The following AMPH variants were observed in gnomAD, a reference collection of about 807,000 sequenced individuals.
AMPH encodes amphiphysin (Stiff-Mann syndrome with breast cancer 128kD autoantigen).
A neutral mutation model predicts 99.1 loss-of-function variants in AMPH; 49 were observed. That is an observed-to-expected ratio of 0.49 (90% confidence interval 0.39 to 0.63). The LOEUF is 0.63. Among genes scored for constraint, AMPH ranks in the 20% least tolerant of loss-of-function variants. AMPH has a pLI of 0.00. For missense variants in AMPH, 759 were observed against 863.4 expected (o/e 0.88, Z 1.52); for synonymous variants, 314 against 317.3 (o/e 0.99, Z 0.11).
intron 13 of AMPH, 174 bp from the exon 14 acceptor site, chr7:38,430,039 T>A: frequency 8.9e-6 from 5 of 564,588 alleles, no homozygotes; most frequent in Non-Finnish European, 1.2e-5. Context: ...CAAAATTGTT[T>A]AAGACCACCA....
At chr7:38,437,807 C>G (rs202136919) in intron 11 of AMPH, among the ~76,000 whole-genome samples, 7 of 151,122 alleles carry the variant, frequency 4.6e-5, no homozygotes, top group South Asian at 4.2e-4. Context: ...CCATTCCCCC[C>G]CAAAAATAAA....
intron 1 of AMPH, among the ~76,000 whole-genome samples, chr7:38,549,704 G>C (rs2129045559): frequency 6.6e-6 from 1 of 152,198 alleles, no homozygotes; most frequent in East Asian, 1.9e-4. Flanking sequence ...TAAAGCACAG[G>C]GGCTGTAAGG....
intron 11 of AMPH, among the ~76,000 whole-genome samples, chr7:38,458,573 C>T (rs1469395800): frequency 6.6e-6 from 1 of 152,060 alleles, no homozygotes; most frequent in Non-Finnish European, 1.5e-5. Context: ...AAACAATAAA[C>T]CTAATATATC....
At chr7:38,627,699 T>A (rs951608209) in intron 1 of AMPH, among the ~76,000 whole-genome samples, 7 of 149,846 alleles carry the variant, frequency 4.7e-5, no homozygotes, top group African/African-American at 1.7e-4. Context: ...GGTCTGCATA[T>A]ACTTTTACAT....
At chr7:38,416,264 T>A (rs1395106866) in intron 17 of AMPH, among the ~76,000 whole-genome samples, 3 of 151,936 alleles carry the variant, frequency 2.0e-5, no homozygotes, top group Non-Finnish European at 4.4e-5. Flanking sequence ...GGGAGGTATA[T>A]GAACATGACA....
intron 1 of AMPH, among the ~76,000 whole-genome samples, chr7:38,564,689 A>C (rs1791667364): frequency 6.6e-6 from 1 of 152,328 alleles, no homozygotes; most frequent in East Asian, 1.9e-4. Flanking sequence ...ACAGGAAATA[A>C]AGTGTCTCCT....
At chr7:38,564,576 A>G (rs531049411) in intron 1 of AMPH, among the ~76,000 whole-genome samples, 3 of 152,308 alleles carry the variant, frequency 2.0e-5, no homozygotes, top group African/African-American at 7.2e-5. Context: ...TGAACAAAGG[A>G]CAGCACAAAA....
At chr7:38,517,644 A>G (rs1294603936) in intron 2 of AMPH, among the ~76,000 whole-genome samples, 1 of 152,250 alleles carries the variant, frequency 6.6e-6, no homozygotes, top group Non-Finnish European at 1.5e-5. Context: ...TAAGCAGCAA[A>G]GCATTCAGGT....
At chr7:38,441,650 T>A (rs1004038525) in intron 11 of AMPH, among the ~76,000 whole-genome samples, 1 of 151,342 alleles carries the variant, frequency 6.6e-6, no homozygotes, top group Non-Finnish European at 1.5e-5. Flanking sequence ...CATTTGTGCG[T>A]TTGTCGCAGC....
At position 38,383,769 on chromosome 7, in the gene AMPH, T is replaced by C. The variant is rs1784279864; in HGVS notation, c.*1049A>G. On this transcript the variant is annotated 3_prime_UTR_variant, in exon 21 of 21. Coordinates refer to ENST00000356264, the MANE Select transcript of AMPH (RefSeq NM_001635.4). ...TGACACAGCACTGAAAACATAATTGTTACAGATGATTTGTGGATACAGCAT... is the reference window on the plus strand; with the variant it reads ...TGACACAGCACTGAAAACATAATTGCTACAGATGATTTGTGGATACAGCAT... The C allele has an allele frequency of 6.6e-6, 1 of 152,476 alleles. No individual in the cohort carries two copies. The highest frequency in any genetic ancestry group is 1.5e-5 in the Non-Finnish European group (1 of 68,024). 9.4% of individuals were successfully genotyped at this position (152,476 alleles called of 1,614,324 possible). A position where few individuals can be genotyped will look rare whatever the true frequency, so the allele number is the denominator to read the frequency against.
intron 2 of AMPH, among the ~76,000 whole-genome samples, chr7:38,507,029 C>A (rs1308622656): frequency 2.0e-5 from 3 of 151,982 alleles, no homozygotes; most frequent in Admixed American, 2.0e-4. Flanking sequence ...CCAGAAATAG[C>A]AAAAAAGTAG....
chr7:38,473,257 C>T (rs776789205), intron 7 of AMPH, among the ~76,000 whole-genome samples: 14 of 152,224 alleles, frequency 9.2e-5, no homozygotes, highest in Non-Finnish European at 1.9e-4. Flanking sequence ...GTATAACTGT[C>T]TTAATTGTAT....
chr7:38,523,250 G>A (rs1230284874), intron 2 of AMPH, among the ~76,000 whole-genome samples: 1 of 152,038 alleles, frequency 6.6e-6, no homozygotes, highest in Non-Finnish European at 1.5e-5. Context: ...TGTTGTGTGT[G>A]TGTATACACA....
intron 1 of AMPH, among the ~76,000 whole-genome samples, chr7:38,588,381 C>A (rs114756046): frequency 0.016 from 2,501 of 152,230 alleles, 71 homozygotes; most frequent in African/African-American, 0.057. Context: ...GGATCCATAT[C>A]ATCTTGAATC....
chr7:38,604,216 A>G (rs1459709438), intron 1 of AMPH, among the ~76,000 whole-genome samples: 1 of 152,352 alleles, frequency 6.6e-6, no homozygotes, highest in Non-Finnish European at 1.5e-5. Context: ...TTTTTGCACT[A>G]TCTCCAACAA....
At chr7:38,407,649 T>C (rs1357563937) in intron 17 of AMPH, among the ~76,000 whole-genome samples, 1 of 152,050 alleles carries the variant, frequency 6.6e-6, no homozygotes, top group African/African-American at 2.4e-5. Flanking sequence ...ATTCAAAAAA[T>C]TAAATATACA....
intron 11 of AMPH, among the ~76,000 whole-genome samples, chr7:38,456,954 C>G (rs1361929154): frequency 2.0e-5 from 3 of 152,166 alleles, no homozygotes; most frequent in Non-Finnish European, 4.4e-5. Context: ...GCAAATGCAC[C>G]CTAAGTCATT....
intron 1 of AMPH, among the ~76,000 whole-genome samples, chr7:38,594,604 T>C (rs1172683871): frequency 6.6e-6 from 1 of 152,166 alleles, no homozygotes; most frequent in Non-Finnish European, 1.5e-5. Flanking sequence ...GGGTGGCATC[T>C]CTTCCACTCC....
intron 1 of AMPH, among the ~76,000 whole-genome samples, chr7:38,554,155 C>T (rs183301396): frequency 2.0e-5 from 3 of 152,286 alleles, no homozygotes; most frequent in Admixed American, 1.3e-4. Flanking sequence ...TTTCATCAAG[C>T]CTACCCAAGC....
Sources: gnomAD v4.1 joint callset for allele counts (sites outside exome capture counted in the v4.1 genomes callset) on GRCh38, gnomAD v4.1.1 for gene constraint, MANE v1.5 for transcripts, NCBI Gene and HGNC (gene_info 2026-07-23, HGNC 2026-07-21) for gene names.